Variants in ABHD12B observed in about 807,000 individuals in gnomAD.
The protein encoded by ABHD12B is protein ABHD12B.
ABHD12B carries 42 observed loss-of-function variants against 50.4 expected under a neutral mutation model. The observed-to-expected ratio is 0.83, with a 90% CI of 0.65 to 1.08. The LOEUF is 1.08. ABHD12B is among the 50% of genes least tolerant of loss of function. The probability of loss-of-function intolerance (pLI) is 0.00; values close to 1 mark genes in which losing one functional copy is unlikely to be tolerated. For missense variants in ABHD12B, 479 were observed against 447.7 expected (o/e 1.07, Z -0.63); for synonymous variants, 167 against 160.3 (o/e 1.04, Z -0.32).
intron 5 of ABHD12B, among the ~76,000 whole-genome samples, chr14:50,884,102 C>G (rs1455010115): frequency 6.6e-6 from 1 of 152,220 alleles, no homozygotes; most frequent in Non-Finnish European, 1.5e-5. Flanking sequence ...GTTTACTTAA[C>G]TGTTACACTG....
In ABHD12B at chr14:50,901,810, T is replaced by C. The variant is rs1442879429; in HGVS notation, c.781-19T>C. 1 of 1,549,082 alleles carries C rather than the reference T, an allele frequency of 6.5e-7. No homozygotes were observed. The highest frequency in any genetic ancestry group is 1.2e-5 in the South Asian group (1 of 84,426). ...AGCTATGGGGCAAATATTAATTTTTTTTTCTTTTTTAAAAATAGATTTACC... is the reference window on the plus strand; with the variant it reads ...AGCTATGGGGCAAATATTAATTTTTCTTTCTTTTTTAAAAATAGATTTACC... On this transcript the variant is annotated intron_variant, in intron 9 of 12. Coordinates refer to ENST00000337334, the MANE Select transcript of ABHD12B (RefSeq NM_001206673.2).
intron 9 of ABHD12B, among the ~76,000 whole-genome samples, chr14:50,898,484 T>G (rs2142767649): frequency 6.6e-6 from 1 of 152,212 alleles, no homozygotes; most frequent in South Asian, 2.1e-4. Flanking sequence ...TCTGGTGGTG[T>G]TACAGAAGAG....
At chr14:50,889,824 T>C (rs1188526389) in intron 9 of ABHD12B, among the ~76,000 whole-genome samples, 2 of 152,212 alleles carry the variant, frequency 1.3e-5, no homozygotes, top group East Asian at 3.8e-4. Flanking sequence ...ACATTGTTGT[T>C]TCATACTGTA....
intron 9 of ABHD12B, among the ~76,000 whole-genome samples, chr14:50,896,775 G>C (rs2050205528): frequency 1.3e-5 from 2 of 151,476 alleles, no homozygotes; most frequent in South Asian, 4.2e-4. Flanking sequence ...TATCTCCCTT[G>C]GCTGACTCTC....
chr14:50,881,775 ACCGGTG>A, intron 5 of ABHD12B, 149 bp downstream of exon 5: 2 of 867,682 alleles, frequency 2.3e-6, no homozygotes, highest in Non-Finnish European at 1.9e-6. Context: ...TCAAAGTCCC[ACCGGTG>A]GACTTCTGCT....
At chr14:50,895,209 C>T (rs1432545947) in intron 9 of ABHD12B, among the ~76,000 whole-genome samples, 2 of 149,504 alleles carry the variant, frequency 1.3e-5, no homozygotes, top group Non-Finnish European at 1.5e-5. Flanking sequence ...ATTTTATTAG[C>T]CAATCTGCTC....
At chr14:50,904,219 T>C (rs749063607) in intron 12 of ABHD12B, 27 bp downstream of exon 12, 1 of 1,613,218 alleles carries the variant, frequency 6.2e-7, no homozygotes, top group Non-Finnish European at 8.5e-7. Context: ...TAAATGTATG[T>C]TGCCCTTCAA....
intron 9 of ABHD12B, chr14:50,891,962 G>A (rs1366395517): frequency 6.6e-6 from 1 of 152,112 alleles, no homozygotes; most frequent in Non-Finnish European, 1.5e-5. Context: ...GGTTGTATAA[G>A]TTCCTCAGCT....
chr14:50,882,373 C>CTTTTTTT lies in ABHD12B; in HGVS notation c.486+762_486+768dup, dbSNP rs386381352. 4.6e-3 allele frequency among the ~76,000 whole-genome samples: 377 copies of CTTTTTTT among 81,822 alleles called. 62 individuals carry two copies. The highest frequency in any genetic ancestry group is 0.016 in the African/African-American group (315 of 19,314). The allele number at this position is 81,822 out of a possible 152,430, so 53.7% of individuals were successfully genotyped here. ...ATAGGCTAAAGACACAGAATGTCTG[C>CTTTTTTT]TTTTTTTTTTTTTTTTTTTTTGAGA... is the stretch of plus-strand genomic sequence containing the variant. On this transcript the variant is annotated intron_variant, in intron 5 of 12. Coordinates refer to ENST00000337334, the MANE Select transcript of ABHD12B (RefSeq NM_001206673.2).
intron 9 of ABHD12B, among the ~76,000 whole-genome samples, chr14:50,899,744 G>A (rs951820217): frequency 3.9e-5 from 6 of 151,996 alleles, no homozygotes; most frequent in African/African-American, 1.2e-4. Flanking sequence ...CCAACATGGC[G>A]AAACACCATC....
At chr14:50,889,065 A>G (rs2050081878) in intron 9 of ABHD12B, among the ~76,000 whole-genome samples, 162 bp downstream of exon 9, 1 of 152,248 alleles carries the variant, frequency 6.6e-6, no homozygotes, top group Admixed American at 6.5e-5. Flanking sequence ...ACCAGTTACC[A>G]CAAAAGGGAA....
At chr14:50,892,780 G>C (rs768830213) in intron 9 of ABHD12B, 4 of 208,266 alleles carry the variant, frequency 1.9e-5, no homozygotes, top group Non-Finnish European at 3.3e-5. Flanking sequence ...TATGTACTAA[G>C]GCATACTTCA....
Position 50,881,604 on chromosome 14 carries a change from C to G in ABHD12B, c.464C>G (p.Ser155Trp), listed in dbSNP as rs750117835. 6.3e-7 allele frequency: 1 copy of G among 1,599,930 alleles called. No homozygotes were observed. Among genetic ancestry groups the G allele is most frequent in the South Asian group, 1.1e-5 (1 of 90,540 alleles). ...LHGSAEHRAA[S>W]HRLKLVKVLS... ...TTAAACTTCCTTCACAGGGCAGCTT[C>G]GCACAGACTGAAGCTGGTAAAGGTA... Residue 155 changes from serine to tryptophan, a missense_variant, in exon 5 of 13, where the codon TCG becomes TGG. Physicochemically the swap from Ser to Trp is radical, Grantham distance 177. Coordinates refer to ENST00000337334, the MANE Select transcript of ABHD12B (RefSeq NM_001206673.2).
chr14:50,879,928 G>A (rs1035170845), intron 3 of ABHD12B, among the ~76,000 whole-genome samples: 1 of 152,214 alleles, frequency 6.6e-6, no homozygotes. Context: ...TGCATTTGCA[G>A]CATTCACTGG....
At chr14:50,896,013 C>T (rs978705881) in intron 9 of ABHD12B, among the ~76,000 whole-genome samples, 10 of 152,248 alleles carry the variant, frequency 6.6e-5, no homozygotes, top group East Asian at 3.9e-4. Context: ...CGCCCTTCTT[C>T]CCAATCCAAA....
rs766912939 is a variant in ABHD12B, at chr14:50,901,876, G to C, written c.828G>C (p.Leu276=). The change falls in exon 10 of 13, where the codon CTG becomes CTC. Residue 276 remains leucine (L), a synonymous_variant. Coordinates refer to ENST00000337334, the MANE Select transcript of ABHD12B (RefSeq NM_001206673.2). ...PGFLRTLMDA[L]RKDKIIFPND... is the part of the protein sequence containing the mutation. ...TTTTACGTACACTTATGGATGCCCT[G>C]AGAAAAGACAAAATAATCTTTCCTA... 2.5e-6 allele frequency: 4 copies of C among 1,597,006 alleles called. No individual in the cohort carries two copies. Among genetic ancestry groups the C allele is most frequent in the Admixed American group, 1.8e-5 (1 of 54,138 alleles).
At chr14:50,901,070 G>A (rs2050255648) in intron 9 of ABHD12B, among the ~76,000 whole-genome samples, 1 of 152,190 alleles carries the variant, frequency 6.6e-6, no homozygotes, top group Non-Finnish European at 1.5e-5. Flanking sequence ...GGGGAGAAAT[G>A]AATGGGTTTA....
chr14:50,904,381 G>A lies in ABHD12B; in HGVS notation c.*15G>A. The A allele has an allele frequency of 6.2e-7, 1 of 1,613,798 alleles. No homozygotes were observed. Among genetic ancestry groups the A allele is most frequent in the Non-Finnish European group, 8.5e-7 (1 of 1,179,838 alleles). On this transcript the variant is annotated 3_prime_UTR_variant, in exon 13 of 13. Transcript: ENST00000337334. ...AGTGGTCATGAGTCTGGGAGGAGTG[G>A]AAATCTTCAATGAAGACTTGGCCCA...
At chr14:50,903,237 T>A (rs2050284156) in intron 10 of ABHD12B, 152 bp from the exon 11 acceptor site, 3 of 467,154 alleles carry the variant, frequency 6.4e-6, no homozygotes, top group Admixed American at 4.3e-5. Flanking sequence ...GTGAAATTTT[T>A]AAATGTATGA....
Sources: gnomAD v4.1 joint callset for allele counts (sites outside exome capture counted in the v4.1 genomes callset) on GRCh38, gnomAD v4.1.1 for gene constraint, MANE v1.5 for transcripts, NCBI Gene and HGNC (gene_info 2026-07-23, HGNC 2026-07-21) for gene names.